The following TERT variants were observed in gnomAD, a reference collection of about 807,000 sequenced individuals.
The protein encoded by TERT is telomerase catalytic subunit.
TERT carries 42 observed loss-of-function variants against 104.0 expected under a neutral mutation model. The observed-to-expected ratio is 0.40, with a 90% CI of 0.32 to 0.52. The LOEUF (loss-of-function observed/expected upper bound fraction) is 0.52, where lower values mean the gene tolerates loss of function less well. TERT is among the 20% of genes least tolerant of loss of function. The pLI is 0.43. For synonymous variants in TERT, 781 were observed against 725.6 expected (o/e 1.08, Z -1.23); for missense variants, 1,101 against 1,610.3 (o/e 0.68, Z 5.41).
Position 1,288,336 on chromosome 5 carries a change from T to A in TERT, c.1573+4977A>T, listed in dbSNP as rs1049286222. ...AGAAGCTAGAAAAGGAATGAAAGAA[T>A]AAACCAAGAAAAAGCATACAATGGA... On this transcript the variant is annotated intron_variant, in intron 2 of 15. Coordinates refer to ENST00000310581, the MANE Select transcript of TERT (RefSeq NM_198253.3). The surrounding 1 kb of genome is among the most constrained non-coding windows in gnomAD (Gnocchi z 5.3). Among the ~76,000 whole-genome samples the A allele has an allele frequency of 6.6e-6, 1 of 151,908 alleles. No homozygotes were observed. The highest frequency in any genetic ancestry group is 2.1e-4 in the South Asian group (1 of 4,820).
chr5:1,258,541 G>A (rs1747919848), intron 13 of TERT, 57 bp downstream of exon 13: 1 of 1,492,288 alleles, frequency 6.7e-7, no homozygotes, highest in Non-Finnish European at 9.1e-7. Context: ...GGTCAGAGGT[G>A]AGCAGAGCGC....
At chr5:1,284,444 CG>C (rs1561206858) in intron 2 of TERT, among the ~76,000 whole-genome samples, 36 of 106,798 alleles carry the variant, frequency 3.4e-4, no homozygotes, top group South Asian at 6.6e-4. Flanking sequence ...CAGGGTCTGG[CG>C]ACCTCACCCC....
chr5:1,286,153 C>T lies in TERT; in HGVS notation c.1574-3529G>A, dbSNP rs911541280. 3.3e-5 allele frequency among the ~76,000 whole-genome samples: 5 copies of T among 152,144 alleles called. No homozygotes were observed. The highest frequency in any genetic ancestry group is 7.3e-5 in the Non-Finnish European group (5 of 68,038). On this transcript the variant is annotated intron_variant, in intron 2 of 15. Coordinates refer to ENST00000310581, the MANE Select transcript of TERT (RefSeq NM_198253.3). This position sits in a 1 kb window ranked among gnomAD's most constrained non-coding sequence, Gnocchi z 5.3. Reference sequence around the variant, plus strand: ...TAAGGAACGCTGGCCACGTGGTGCTCCAGACACTCACGGGCCAAGATGACC... The same window carrying T: ...TAAGGAACGCTGGCCACGTGGTGCTTCAGACACTCACGGGCCAAGATGACC...
In TERT at chr5:1,282,418, G is replaced by A. The variant is rs992024862; in HGVS notation, c.1769+11C>T. On this transcript the variant is annotated intron_variant, in intron 3 of 15. Transcript: ENST00000310581. ...TTCGAGAAGCAGAGGCCTGGCGTGG[G>A]GATACAGTACCTGATTCCAATGCTT... 6 of 1,613,128 alleles carry A rather than the reference G, an allele frequency of 3.7e-6. No individual in the cohort carries two copies. Among genetic ancestry groups the A allele is most frequent in the East Asian group, 2.2e-5 (1 of 44,860 alleles).
Position 1,292,599 on chromosome 5 carries a change from G to A in TERT, c.1573+714C>T, listed in dbSNP as rs7713080. Among the ~76,000 whole-genome samples, 3 of 152,042 alleles carry A rather than the reference G, an allele frequency of 2.0e-5. No homozygotes were observed. The highest frequency in any genetic ancestry group is 2.1e-4 in the South Asian group (1 of 4,816). On this transcript the variant is annotated intron_variant, in intron 2 of 15. Transcript: ENST00000310581. This position sits in a 1 kb window ranked among gnomAD's most constrained non-coding sequence, Gnocchi z 5.5. Reference sequence around the variant, plus strand: ...ACAATCTCAGCTCACTGCAGCCTCCGCCTCCTGGGTTCAAGTGATTCTCCT... The same window carrying A: ...ACAATCTCAGCTCACTGCAGCCTCCACCTCCTGGGTTCAAGTGATTCTCCT...
rs1748927745 is a variant in TERT, at chr5:1,270,297, C to T, written c.2468+822G>A. ...AAATAAAAGCTTCCGAAGCTGTGCA[C>T]AGTCCTTTATCCGCTGGAGACGATC... On this transcript the variant is annotated intron_variant, in intron 8 of 15. Coordinates refer to ENST00000310581, the MANE Select transcript of TERT (RefSeq NM_198253.3). The surrounding 1 kb of genome is among the most constrained non-coding windows in gnomAD (Gnocchi z 8.3). Among the ~76,000 whole-genome samples, 1 of 152,222 alleles carries T rather than the reference C, an allele frequency of 6.6e-6. No homozygotes were observed. The highest frequency in any genetic ancestry group is 2.4e-5 in the African/African-American group (1 of 41,460).
chr5:1,293,840 G>T lies in TERT; in HGVS notation c.1046C>A (p.Ser349Tyr). The stretch of plus-strand genomic sequence containing the variant: ...AGCGCCAGTCAGGCTGGGCCTCAGA[G>T]AGCTGAGTAGGAAGGAGGGCCGCAG... ...EQLRPSFLLS[S>Y]LRPSLTGARR... Residue 349 changes from serine to tyrosine, a missense_variant, in exon 2 of 16, where the codon TCT becomes TAT. Ser to Tyr is a moderately radical substitution (Grantham distance 144). Around this residue, in one of 5 missense-constraint regions of TERT, gnomAD observed 504 missense variants for 544.6 expected, o/e 0.93. Coordinates refer to ENST00000310581, the MANE Select transcript of TERT (RefSeq NM_198253.3). 6.5e-7 allele frequency: 1 copy of T among 1,548,606 alleles called. No individual in the cohort carries two copies. Among genetic ancestry groups the T allele is most frequent in the Non-Finnish European group, 8.7e-7 (1 of 1,147,026 alleles).
At chr5:1,275,158 T>C (rs1244275330) in intron 6 of TERT, among the ~76,000 whole-genome samples, 1 of 152,146 alleles carries the variant, frequency 6.6e-6, no homozygotes, top group Admixed American at 6.5e-5. Context: ...GAGGATCACC[T>C]GAGGTCAGGA....
chr5:1,263,006 C>A lies in TERT; in HGVS notation c.2843+1398G>T, dbSNP rs1389691270. Among the ~76,000 whole-genome samples, 1 of 152,130 alleles carries A rather than the reference C, an allele frequency of 6.6e-6. No homozygotes were observed. The highest frequency in any genetic ancestry group is 1.5e-5 in the Non-Finnish European group (1 of 68,028). ...AGGGAAGCAGGGACTGTGGGGAGCA[C>A]AGGAGACCGGCATCCTTGTGGGGAG... On this transcript the variant is annotated intron_variant, in intron 11 of 15. Transcript: ENST00000310581. This position sits in a 1 kb window ranked among gnomAD's most constrained non-coding sequence, Gnocchi z 5.3.
At chr5:1,277,922 TG>T (rs1022085429) in intron 6 of TERT, among the ~76,000 whole-genome samples, 8 of 151,182 alleles carry the variant, frequency 5.3e-5, no homozygotes, top group African/African-American at 2.0e-4. Context: ...GACCACTGGG[TG>T]GGAACCCAAG....
In TERT at chr5:1,288,892, C is replaced by G. The variant is rs376635119; in HGVS notation, c.1573+4421G>C. On this transcript the variant is annotated intron_variant, in intron 2 of 15. Transcript: ENST00000310581. The surrounding 1 kb of genome is among the most constrained non-coding windows in gnomAD (Gnocchi z 5.3). ...CGCGGGAGGCGAGAGCCTGCAGTCC[C>G]GTGTCCCCGTAGCAAAATGGAACGG... Among the ~76,000 whole-genome samples, 111 of 152,280 alleles carry G rather than the reference C, an allele frequency of 7.3e-4. 2 individuals carry two copies. Among genetic ancestry groups the G allele is most frequent in the Middle Eastern group, 6.8e-3 (2 of 294 alleles).
rs1236418063 is a variant in TERT, at chr5:1,265,417, C to T, written c.2655-825G>A. On this transcript the variant is annotated intron_variant, in intron 10 of 15. Coordinates refer to ENST00000310581, the MANE Select transcript of TERT (RefSeq NM_198253.3). The surrounding 1 kb of genome is among the most constrained non-coding windows in gnomAD (Gnocchi z 6.9). ...AGTTCTGCCCCCGGTGGGACCCCAA[C>T]ATACACTCTGAGCCACCTCCCTGGC... Among the ~76,000 whole-genome samples the T allele has an allele frequency of 2.6e-5, 4 of 152,172 alleles. No homozygotes were observed. The highest frequency in any genetic ancestry group is 5.9e-5 in the Non-Finnish European group (4 of 68,030).
intron 6 of TERT, among the ~76,000 whole-genome samples, chr5:1,275,934 CTA>C (rs1247079964): frequency 4.8e-4 from 70 of 144,480 alleles, no homozygotes; most frequent in African/African-American, 1.8e-3. Flanking sequence ...TCCACCTACC[CTA>C]CACATGAAAA....
intron 15 of TERT, 102 bp from the exon 16 acceptor site, chr5:1,253,933 C>G (rs188350410): frequency 7.7e-7 from 1 of 1,295,472 alleles, no homozygotes; most frequent in African/African-American, 1.5e-5. Context: ...GCCTGCACCT[C>G]GTGGCCCTGG....
chr5:1,279,505 T>G, intron 4 of TERT, 35 bp from the exon 5 acceptor site: 1 of 1,546,918 alleles, frequency 6.5e-7, no homozygotes, highest in South Asian at 1.2e-5. Flanking sequence ...GTCAGGAAAG[T>G]GGATCCGGCC....
chr5:1,272,437 G>A (rs1749118018), intron 6 of TERT, among the ~76,000 whole-genome samples, 157 bp from the exon 7 acceptor site: 1 of 151,980 alleles, frequency 6.6e-6, no homozygotes, highest in Non-Finnish European at 1.5e-5. Context: ...TGGGAAACGG[G>A]GGCCGGGGGG....
chr5:1,255,152 A>G lies in TERT; in HGVS notation c.3157+135T>C. 8.7e-7 allele frequency: 1 copy of G among 1,143,022 alleles called. No homozygotes were observed. The highest frequency in any genetic ancestry group is 1.3e-6 in the Non-Finnish European group (1 of 790,464). The allele number at this position is 1,143,022 out of a possible 1,614,324, so 70.8% of individuals were successfully genotyped here. ...ACGAGAGGGCGGGCAGACGAGCCTG[A>G]CAGTGGTTGGGTTAAACCACTTCCT... On this transcript the variant is annotated intron_variant, in intron 14 of 15. Transcript: ENST00000310581. The surrounding 1 kb of genome is among the most constrained non-coding windows in gnomAD (Gnocchi z 6.9).
Position 1,255,180 on chromosome 5 carries a change from T to G in TERT, c.3157+107A>C, listed in dbSNP as rs543467824. On this transcript the variant is annotated intron_variant, in intron 14 of 15. Transcript: ENST00000310581. The surrounding 1 kb of genome is among the most constrained non-coding windows in gnomAD (Gnocchi z 6.9). Reference sequence around the variant, plus strand: ...GTGGTTGGGTTAAACCACTTCCTGATGCGAAAAGGGGTAAGAACTTCCTAA... The same window carrying G: ...GTGGTTGGGTTAAACCACTTCCTGAGGCGAAAAGGGGTAAGAACTTCCTAA... 1 of 1,458,272 alleles carries G rather than the reference T, an allele frequency of 6.9e-7. No individual in the cohort carries two copies. Among genetic ancestry groups the G allele is most frequent in the Admixed American group, 1.9e-5 (1 of 51,340 alleles). The allele number at this position is 1,458,272 out of a possible 1,614,324, so 90.3% of individuals were successfully genotyped here.
Position 1,257,672 on chromosome 5 carries a change from C to T in TERT, c.3032+926G>A, listed in dbSNP as rs1055155029. Among the ~76,000 whole-genome samples, 7 of 152,224 alleles carry T rather than the reference C, an allele frequency of 4.6e-5. No individual in the cohort carries two copies. Among genetic ancestry groups the T allele is most frequent in the Non-Finnish European group, 8.8e-5 (6 of 68,046 alleles). On this transcript the variant is annotated intron_variant, in intron 13 of 15. Coordinates refer to ENST00000310581, the MANE Select transcript of TERT (RefSeq NM_198253.3). The surrounding 1 kb of genome is among the most constrained non-coding windows in gnomAD (Gnocchi z 5.6). ...GCCAGAGCATGAAGGCGCAAGCACT[C>T]GGGTTAAAAACCATTTTCATGGTAC... is the stretch of plus-strand genomic sequence containing the variant.
Sources: allele counts gnomAD v4.1 joint callset (sites outside exome capture counted in the v4.1 genomes callset), GRCh38; gene constraint gnomAD v4.1.1; regional missense constraint gnomAD v4.1.1; non-coding constraint Gnocchi (gnomAD v3.1); transcripts MANE v1.5; gene names NCBI Gene and HGNC (gene_info 2026-07-23, HGNC 2026-07-21).